The following SEMA3A variants were observed in gnomAD, a reference collection of about 807,000 sequenced individuals.
SEMA3A encodes the protein semaphorin-3A.
SEMA3A carries 29 observed loss-of-function variants against 97.9 expected under a neutral mutation model. That is an observed-to-expected ratio of 0.30 (90% CI 0.22 to 0.40). The LOEUF is 0.40. Ranked by LOEUF, SEMA3A falls within the 10% of genes least tolerant of loss-of-function variation. The pLI, the probability that SEMA3A is intolerant of heterozygous loss-of-function variation, is 1.00. For synonymous variants in SEMA3A, 321 were observed against 323.7 expected (o/e 0.99, Z 0.09); for missense variants, 763 against 951.3 (o/e 0.80, Z 2.60).
At chr7:84,304,611 T>C (rs1801107141) in intron 3 of SEMA3A, among the ~76,000 whole-genome samples, 1 of 152,084 alleles carries the variant, frequency 6.6e-6, no homozygotes, top group Non-Finnish European at 1.5e-5. Context: ...TAAGTACTGC[T>C]GGCACTAATG....
intron 3 of SEMA3A, among the ~76,000 whole-genome samples, chr7:84,302,609 C>G (rs550939722): frequency 9.2e-5 from 14 of 152,108 alleles, no homozygotes; most frequent in Admixed American, 2.0e-4. Context: ...TAATTTTACT[C>G]ATTGACAGAT....
At chr7:84,320,268 A>G (rs1006221814) in intron 2 of SEMA3A, among the ~76,000 whole-genome samples, 3 of 152,096 alleles carry the variant, frequency 2.0e-5, no homozygotes, top group Non-Finnish European at 4.4e-5. Context: ...GTCTCTGGGT[A>G]TTATAATTTA....
At chr7:84,120,601 T>C (rs1041106303) in intron 3 of SEMA3A, among the ~76,000 whole-genome samples, 1 of 152,182 alleles carries the variant, frequency 6.6e-6, no homozygotes, top group African/African-American at 2.4e-5. Flanking sequence ...ATAAGGCATT[T>C]ACTGGCATTC....
At chr7:84,104,000 G>A (rs1272604030) in intron 4 of SEMA3A, among the ~76,000 whole-genome samples, 1 of 152,092 alleles carries the variant, frequency 6.6e-6, no homozygotes, top group Non-Finnish European at 1.5e-5. Flanking sequence ...GAAAGAGTAA[G>A]TAGGAGATAA....
chr7:84,197,354 A>G (rs1458486760), upstream of SEMA3A, among the ~76,000 whole-genome samples: 1 of 152,214 alleles, frequency 6.6e-6, no homozygotes, highest in Non-Finnish European at 1.5e-5. Flanking sequence ...TAAAAATAGT[A>G]TATTCTTCAG....
At chr7:84,181,889 C>G (rs1456191376) in intron 1 of SEMA3A, among the ~76,000 whole-genome samples, 1 of 152,098 alleles carries the variant, frequency 6.6e-6, no homozygotes, top group African/African-American at 2.4e-5. Context: ...TAAAATTCTT[C>G]TTGGTCTAGA....
chr7:84,409,660 GA>G (rs547237113), intron 1 of SEMA3A, among the ~76,000 whole-genome samples: 9 of 151,588 alleles, frequency 5.9e-5, no homozygotes, highest in South Asian at 2.1e-4. Context: ...TGTATTAAAA[GA>G]AAAAAAACTA....
chr7:84,034,693 G>A (rs969184209), intron 6 of SEMA3A, among the ~76,000 whole-genome samples: 19 of 152,018 alleles, frequency 1.2e-4, no homozygotes, highest in Non-Finnish European at 2.4e-4. Context: ...CAATTTGGTG[G>A]GTACAGTTCT....
intron 2 of SEMA3A, among the ~76,000 whole-genome samples, chr7:84,360,280 CT>C (rs1367983597): frequency 1.3e-5 from 2 of 151,908 alleles, no homozygotes; most frequent in Non-Finnish European, 2.9e-5. Flanking sequence ...GCATTTAGTG[CT>C]ATAAATTTCC....
At chr7:84,157,973 A>G (rs2116151853) in intron 1 of SEMA3A, among the ~76,000 whole-genome samples, 1 of 152,196 alleles carries the variant, frequency 6.6e-6, no homozygotes, top group African/African-American at 2.4e-5. Context: ...AGTCCCTGCC[A>G]TAATAGAGCC....
At chr7:83,970,484 A>T (rs2116283171) in intron 15 of SEMA3A, among the ~76,000 whole-genome samples, 1 of 152,274 alleles carries the variant, frequency 6.6e-6, no homozygotes. Flanking sequence ...AACCCCATAA[A>T]TGTCTCGCAA....
intron 2 of SEMA3A, among the ~76,000 whole-genome samples, chr7:84,319,003 C>T (rs1165430150): frequency 1.3e-5 from 2 of 152,292 alleles, no homozygotes; most frequent in Non-Finnish European, 1.5e-5. Context: ...GTAAGAATAA[C>T]AGCAGCTACT....
At chr7:84,311,110 G>A (rs549320609) in intron 2 of SEMA3A, among the ~76,000 whole-genome samples, 34 of 151,658 alleles carry the variant, frequency 2.2e-4, no homozygotes, top group African/African-American at 7.5e-4. Context: ...CTTTAAACAT[G>A]CAATTTCAAT....
chr7:84,268,292 T>TGTGTGC (rs1270236936), intron 3 of SEMA3A, among the ~76,000 whole-genome samples: 1 of 149,180 alleles, frequency 6.7e-6, no homozygotes, highest in African/African-American at 2.5e-5. Flanking sequence ...TGTGTGTGTG[T>TGTGTGC]GTGCAGGTGC....
rs558957188 is a variant in SEMA3A at position 84,452,434 on chromosome 7, T to A, written c.-246+40026A>T. On this transcript the variant is annotated intron_variant, in intron 1 of 3. Coordinates refer to the SEMA3A transcript ENST00000424555. The stretch of plus-strand genomic sequence containing the variant: ...TGACATGGCCAGCAAAACAGATAGG[T>A]ATCATACACTTTGTGAGTATGATAT... Among the ~76,000 whole-genome samples, 5 of 152,232 alleles carry A rather than the reference T, an allele frequency of 3.3e-5. No homozygotes were observed. In the South Asian group the frequency reaches 1.0e-3, roughly 32 times the overall value.
intron 1 of SEMA3A, among the ~76,000 whole-genome samples, chr7:84,444,838 G>T (rs1191569396): frequency 2.0e-5 from 3 of 152,082 alleles, no homozygotes; most frequent in African/African-American, 7.2e-5. Context: ...GGGATTACAG[G>T]TGTGAGTACA....
intron 3 of SEMA3A, among the ~76,000 whole-genome samples, chr7:84,298,900 G>T (rs979371595): frequency 2.0e-5 from 3 of 152,190 alleles, no homozygotes; most frequent in African/African-American, 7.2e-5. Flanking sequence ...AAGCAGGCAG[G>T]AGACGATGGA....
At chr7:84,076,442 T>C (rs1185410946) in intron 4 of SEMA3A, among the ~76,000 whole-genome samples, 1 of 152,116 alleles carries the variant, frequency 6.6e-6, no homozygotes, top group Non-Finnish European at 1.5e-5. Context: ...AGTGGAGAGA[T>C]CATAAAAACC....
chr7:84,378,875 ACTCT>A (rs72175737), intron 1 of SEMA3A, among the ~76,000 whole-genome samples: 57 of 140,910 alleles, frequency 4.0e-4, no homozygotes, highest in Middle Eastern at 3.9e-3. Flanking sequence ...AAGATCCATG[ACTCT>A]CTCTCTCTCT....
Sources: allele counts gnomAD v4.1 joint callset (sites outside exome capture counted in the v4.1 genomes callset), GRCh38; gene constraint gnomAD v4.1.1; transcripts MANE v1.5; gene names NCBI Gene and HGNC (gene_info 2026-07-23, HGNC 2026-07-21).